The following USP9X variants were observed in gnomAD, a reference collection of about 807,000 sequenced individuals.
USP9X encodes ubiquitin specific peptidase 9 X-linked, also known as ubiquitin carboxyl-terminal hydrolase 9X.
Under a neutral mutation model 190.3 loss-of-function variants are expected in USP9X, and 7 were observed. The ratio of observed to expected loss-of-function variants is 0.04; its 90% confidence interval spans 0.02 to 0.07. The LOEUF (loss-of-function observed/expected upper bound fraction) is 0.07. Among genes scored for constraint, USP9X ranks in the 10% least tolerant of loss-of-function variants. The probability of loss-of-function intolerance (pLI) is 1.00; values close to 1 mark genes in which losing one functional copy is unlikely to be tolerated. For synonymous variants in USP9X, 645 were observed against 659.5 expected, an observed-to-expected ratio of 0.98 and a Z score of 0.34; for missense variants, 1,010 against 1,916.9, an observed-to-expected ratio of 0.53 and a Z score of 8.83.
intron 23 of USP9X, among the ~76,000 whole-genome samples, chrX:41,185,826 TGGATACAGA>T (rs1461433862): frequency 2.7e-5 from 3 of 111,352 alleles, no homozygotes; most frequent in Non-Finnish European, 5.7e-5. Context: ...TGTGCCACTA[TGGATACAGA>T]GGTACATAAT....
chrX:41,219,361 T>G (rs770700781), intron 38 of USP9X, 130 bp downstream of exon 38: 1 of 666,122 alleles, frequency 1.5e-6, no homozygotes, highest in African/African-American at 2.2e-5. Context: ...GTTGTGAATT[T>G]TATCTGAACA....
At chrX:41,150,878 C>T in intron 12 of USP9X, 43 bp from the exon 13 acceptor site, 1 of 1,109,617 alleles carries the variant, frequency 9.0e-7, no homozygotes. Flanking sequence ...TAAAATTCTC[C>T]TGAGTATTGA....
intron 2 of USP9X, 77 bp downstream of exon 2, chrX:41,123,801 G>C: frequency 1.0e-6 from 1 of 970,572 alleles, no homozygotes; most frequent in African/African-American, 1.9e-5. Context: ...GCAGCACTTT[G>C]GGAGGTTGAG....
At position 41,200,733 on chromosome X, in the gene USP9X, A is replaced by G. The variant is rs1015538606; in HGVS notation, c.4604-327A>G. On this transcript the variant is annotated intron_variant, in intron 30 of 44. Coordinates refer to ENST00000378308, the MANE Select transcript of USP9X (RefSeq NM_001039591.3). ...AAAGTATCAAATATTAAGAAAGTGA[A>G]TAATGGCTAAAAATAAAGATGCAAG... Among the ~76,000 whole-genome samples, 3 of 112,618 alleles carry G rather than the reference A, an allele frequency of 2.7e-5. No homozygotes were observed. In the South Asian group the frequency reaches 1.1e-3, roughly 41 times the overall value.
intron 1 of USP9X, among the ~76,000 whole-genome samples, chrX:41,090,396 ATACTTT>A (rs1259315087): frequency 1.8e-5 from 2 of 112,423 alleles, no homozygotes; most frequent in Non-Finnish European, 3.8e-5. Context: ...CCATTGTAAT[ATACTTT>A]TAAAGAATAA....
chrX:41,104,425 A>C (rs2062054841), intron 1 of USP9X, among the ~76,000 whole-genome samples: 1 of 112,144 alleles, frequency 8.9e-6, no homozygotes, highest in Admixed American at 9.5e-5. Flanking sequence ...TAATTTTAAA[A>C]TGTGGTAGGA....
intron 2 of USP9X, among the ~76,000 whole-genome samples, chrX:41,126,337 C>A (rs2062251505): frequency 8.9e-6 from 1 of 111,864 alleles, no homozygotes; most frequent in Non-Finnish European, 1.9e-5. Flanking sequence ...AGCCAGTATT[C>A]AGGTTTTTAA....
chrX:41,133,085 G>A (rs1362641688), intron 4 of USP9X, among the ~76,000 whole-genome samples: 1 of 111,818 alleles, frequency 8.9e-6, no homozygotes, highest in Non-Finnish European at 1.9e-5. Context: ...TATCACAATT[G>A]AAACTGATTA....
At chrX:41,129,742 G>A (rs1055299637) in intron 3 of USP9X, among the ~76,000 whole-genome samples, 7 of 111,633 alleles carry the variant, frequency 6.3e-5, no homozygotes, top group African/African-American at 2.3e-4. Flanking sequence ...CCATGTGACT[G>A]TGATCTTCAC....
At chrX:41,134,501 TGTG>T (rs1338452498) in intron 4 of USP9X, among the ~76,000 whole-genome samples, 2 of 112,648 alleles carry the variant, frequency 1.8e-5, no homozygotes, top group African/African-American at 3.2e-5. Flanking sequence ...TGCCTCTTCT[TGTG>T]GTGCTGCTGA....
intron 2 of USP9X, among the ~76,000 whole-genome samples, chrX:41,125,680 A>ACT (rs1270231301): frequency 7.4e-3 from 197 of 26,560 alleles, no homozygotes; most frequent in Middle Eastern, 0.019. Context: ...ACACACACAC[A>ACT]CACACTCTCT....
At chrX:41,087,492 A>G (rs12013568) in intron 1 of USP9X, among the ~76,000 whole-genome samples, 15,134 of 111,889 alleles carry the variant, frequency 0.14, 926 homozygotes, top group East Asian at 0.26. Context: ...TTCAGCAAAT[A>G]CCTTCAAATT....
At chrX:41,171,699 T>C in intron 20 of USP9X, 139 bp from the exon 21 acceptor site, 1 of 744,024 alleles carries the variant, frequency 1.3e-6, no homozygotes. Flanking sequence ...GATTAAAAGA[T>C]GGGAAAGTCA....
chrX:41,165,645 C>T (rs1244240188), intron 15 of USP9X, among the ~76,000 whole-genome samples: 8 of 111,896 alleles, frequency 7.1e-5, no homozygotes. Context: ...GCATTTCAGG[C>T]ACAAAGTGGG....
intron 32 of USP9X, among the ~76,000 whole-genome samples, chrX:41,206,282 T>C (rs1214768827): frequency 8.9e-6 from 1 of 112,268 alleles, no homozygotes; most frequent in Non-Finnish European, 1.9e-5. Context: ...TCTCAAAACA[T>C]GATCATGATA....
chrX:41,195,018 T>G (rs1244811453), intron 26 of USP9X, among the ~76,000 whole-genome samples: 1 of 111,069 alleles, frequency 9.0e-6, no homozygotes, highest in African/African-American at 3.3e-5. Flanking sequence ...AATATGGTAT[T>G]GTGATTCTCA....
At chrX:41,186,676 A>T (rs957841887) in intron 24 of USP9X, 34 bp downstream of exon 24, 3 of 1,203,812 alleles carry the variant, frequency 2.5e-6, no homozygotes, top group Non-Finnish European at 3.4e-6. Flanking sequence ...CACAATTTTA[A>T]CTTTCCTAGG....
At chrX:41,195,851 G>A (rs1302117545) in intron 26 of USP9X, 9 of 319,775 alleles carry the variant, frequency 2.8e-5, no homozygotes, top group South Asian at 1.7e-4. Flanking sequence ...TAGCCTTACC[G>A]TGGTTACTAC....
chrX:41,168,278 T>C (rs780916043), intron 18 of USP9X, 60 bp downstream of exon 18: 1 of 1,008,229 alleles, frequency 9.9e-7, no homozygotes, highest in East Asian at 3.4e-5. Context: ...TTCCTAGCCA[T>C]TTGGTAAAAG....
Sources: gnomAD v4.1 joint callset for allele counts (sites outside exome capture counted in the v4.1 genomes callset) on GRCh38, gnomAD v4.1.1 for gene constraint, MANE v1.5 for transcripts, NCBI Gene and HGNC (gene_info 2026-07-23, HGNC 2026-07-21) for gene names.